Variants in ACACB observed in about 807,000 individuals in gnomAD.
ACACB encodes acetyl-CoA carboxylase 2.
A neutral mutation model predicts 278.8 loss-of-function variants in ACACB; 209 were observed. That is an observed-to-expected ratio of 0.75 (90% CI 0.67 to 0.84). ACACB has a LOEUF of 0.84. ACACB is among the 40% of genes least tolerant of loss of function. The probability of loss-of-function intolerance (pLI) is 0.00; values close to 1 mark genes in which losing one functional copy is unlikely to be tolerated. For synonymous variants in ACACB, 1,174 were observed against 1,285.6 expected (o/e 0.91, Z 1.86); for missense variants, 2,850 against 3,269.0 (o/e 0.87, Z 3.13).
intron 42 of ACACB, 33 bp downstream of exon 42, chr12:109,252,189 C>A: frequency 6.8e-7 from 1 of 1,475,716 alleles, no homozygotes; most frequent in East Asian, 2.4e-5. Flanking sequence ...AGAGTGGATC[C>A]TTGGGGGCCA....
intron 2 of ACACB, among the ~76,000 whole-genome samples, 198 bp downstream of exon 2, chr12:109,140,256 ATCCTTCCT>A (rs1446207979): frequency 1.3e-4 from 11 of 83,198 alleles, no homozygotes; most frequent in African/African-American, 5.0e-4. Flanking sequence ...CCTTCCTTCC[ATCCTTCCT>A]TCCTTCTTTC....
chr12:109,181,937 C>T lies in ACACB; in HGVS notation c.1818+1850C>T, dbSNP rs560702461. Reference sequence around the variant, plus strand: ...TTGGCTCACAGCAACCTCTGCCTCACGGTTCGAACAATTCTCCTGCCTCAG... The same window carrying T: ...TTGGCTCACAGCAACCTCTGCCTCATGGTTCGAACAATTCTCCTGCCTCAG... On this transcript the variant is annotated intron_variant, in intron 11 of 52. Transcript: ENST00000338432. Among the ~76,000 whole-genome samples, 341 of 141,742 alleles carry T rather than the reference C, an allele frequency of 2.4e-3. 2 individuals carry two copies. The highest frequency in any genetic ancestry group is 4.4e-3 in the Non-Finnish European group (291 of 66,114). 93.0% of individuals were successfully genotyped at this position (141,742 alleles called of 152,430 possible).
chr12:109,116,200 G>GA (rs2042400851), upstream of ACACB, among the ~76,000 whole-genome samples: 1 of 152,200 alleles, frequency 6.6e-6, no homozygotes, highest in Non-Finnish European at 1.5e-5. Context: ...CTTTTCAGGG[G>GA]AGAGAAGCCA....
rs1288209949 is a variant in ACACB at position 109,117,458 on chromosome 12, C to G, written c.-10+754C>G. On this transcript the variant is annotated intron_variant, in intron 1 of 52. Coordinates refer to ENST00000338432, the MANE Select transcript of ACACB (RefSeq NM_001093.4). ...TATATTTCTAGGAAGACATGACTTT[C>G]TTTCAATGTTGAAAAAATGCATTCC... Among the ~76,000 whole-genome samples the G allele has an allele frequency of 2.6e-5, 4 of 151,942 alleles. No individual in the cohort carries two copies. The East Asian group carries it at 7.7e-4, about 29-fold the overall frequency.
chr12:109,182,909 C>A (rs1157943843), intron 11 of ACACB, among the ~76,000 whole-genome samples: 1 of 152,236 alleles, frequency 6.6e-6, no homozygotes, highest in African/African-American at 2.4e-5. Flanking sequence ...CCAATGTTTT[C>A]TTCTAGTAGT....
intron 21 of ACACB, among the ~76,000 whole-genome samples, 195 bp from the exon 22 acceptor site, chr12:109,212,641 G>A (rs1027276681): frequency 6.6e-6 from 1 of 152,166 alleles, no homozygotes. Context: ...GGTAATGTGA[G>A]CAATGGGGAG....
rs2045526417 is a variant in ACACB, at chr12:109,206,692, C to T, written c.2914-18C>T. On this transcript the variant is annotated intron_variant, in intron 19 of 52. Transcript: ENST00000338432. Reference sequence around the variant, plus strand: ...CCCAGAGTTTTCCTGACCTGTCGTTCTTGTGGTGTCTCATCAGGCTGAACC... The same window carrying T: ...CCCAGAGTTTTCCTGACCTGTCGTTTTTGTGGTGTCTCATCAGGCTGAACC... 6.2e-7 allele frequency: 1 copy of T among 1,613,106 alleles called. No homozygotes were observed.
At chr12:109,178,615 G>A (rs911318303) in intron 9 of ACACB, among the ~76,000 whole-genome samples, 12 of 152,236 alleles carry the variant, frequency 7.9e-5, no homozygotes, top group Non-Finnish European at 4.4e-5. Flanking sequence ...TGGGCTGGCG[G>A]TGCAGCTGGT....
chr12:109,230,015 G>A (rs2046422721), intron 28 of ACACB, among the ~76,000 whole-genome samples: 1 of 152,150 alleles, frequency 6.6e-6, no homozygotes, highest in Admixed American at 6.5e-5. Context: ...TCTGGTTTTA[G>A]TTCTTATGGG....
chr12:109,256,194 T>A lies in ACACB; in HGVS notation c.6221T>A (p.Ile2074Asn). 6.2e-7 allele frequency: 1 copy of A among 1,613,910 alleles called. No homozygotes were observed. The highest frequency in any genetic ancestry group is 8.5e-7 in the Non-Finnish European group (1 of 1,179,938). The change falls in exon 45 of 53, where the codon ATC becomes AAC. Residue 2074 changes from isoleucine (I) to asparagine (N), a missense_variant. Physicochemically the swap from Ile to Asn is moderately radical, Grantham distance 149 (BLOSUM62 -3). This residue lies in a region of ACACB where 579 missense variants were observed against 684.6 expected (regional missense o/e 0.85). Coordinates refer to ENST00000338432, the MANE Select transcript of ACACB (RefSeq NM_001093.4). ...GFFDHGSFKE[I>N]MAPWAQTVVT... is the part of the protein sequence containing the mutation. Reference sequence around the variant, plus strand: ...TTTGACCACGGCAGTTTCAAGGAAATCATGGCACCCTGGGCGCAGACCGTG... The same window carrying A: ...TTTGACCACGGCAGTTTCAAGGAAAACATGGCACCCTGGGCGCAGACCGTG...
intron 41 of ACACB, among the ~76,000 whole-genome samples, chr12:109,251,507 C>A (rs1241618154): frequency 6.6e-6 from 1 of 152,140 alleles, no homozygotes; most frequent in Non-Finnish European, 1.5e-5. Context: ...TATGTATAGT[C>A]TTTTTATTTT....
chr12:109,266,399 A>C lies in ACACB; in HGVS notation c.*37A>C. The stretch of plus-strand genomic sequence containing the variant: ...CCAGCCACTCCCGGGACCACGGCAA[A>C]AGGAACCACCCAGACCCACCACCCG... On this transcript the variant is annotated 3_prime_UTR_variant, in exon 53 of 53. Coordinates refer to ENST00000338432, the MANE Select transcript of ACACB (RefSeq NM_001093.4). The C allele has an allele frequency of 6.3e-7, 1 of 1,575,366 alleles. No individual in the cohort carries two copies.
chr12:109,209,092 G>A (rs985559831), intron 20 of ACACB, 73 bp from the exon 21 acceptor site: 12 of 1,478,430 alleles, frequency 8.1e-6, no homozygotes, highest in Non-Finnish European at 1.1e-5. Context: ...GAGCTGTGTT[G>A]GGTGCCCTGT....
In ACACB at chr12:109,256,149, G is replaced by A. The variant is rs2047218157; in HGVS notation, c.6176G>A (p.Gly2059Glu). The change falls in exon 45 of 53, where the codon GGA becomes GAA. Residue 2059 changes from glycine to glutamate, a missense_variant. Transcript: ENST00000338432. ...GCCCTTCTGTCCACAGCTCTGAAGGGAACGTGGCAGAGCGGATTCTTTGAC... is the reference window on the plus strand; with the variant it reads ...GCCCTTCTGTCCACAGCTCTGAAGGAAACGTGGCAGAGCGGATTCTTTGAC... ...LAGRPHPTLK[G>E]TWQSGFFDHG... The A allele has an allele frequency of 6.2e-7, 1 of 1,613,724 alleles. No individual in the cohort carries two copies. The highest frequency in any genetic ancestry group is 1.3e-5 in the African/African-American group (1 of 74,904).
intron 2 of ACACB, among the ~76,000 whole-genome samples, chr12:109,144,681 G>A (rs866915006): frequency 6.6e-6 from 1 of 151,932 alleles, no homozygotes; most frequent in Non-Finnish European, 1.5e-5. Flanking sequence ...GCAGAACAGG[G>A]CTGAAGAAAG....
chr12:109,179,553 G>A (rs2044393622), intron 10 of ACACB, among the ~76,000 whole-genome samples: 1 of 152,108 alleles, frequency 6.6e-6, no homozygotes, highest in African/African-American at 2.4e-5. Context: ...GTGGTGCGAT[G>A]ATAGTTCACA....
intron 35 of ACACB, among the ~76,000 whole-genome samples, 182 bp from the exon 36 acceptor site, chr12:109,240,896 G>A (rs1052899432): frequency 1.3e-4 from 20 of 152,210 alleles, no homozygotes; most frequent in Non-Finnish European, 2.5e-4. Flanking sequence ...AAATGAGGTA[G>A]AGTTTTAAAT....
intron 2 of ACACB, among the ~76,000 whole-genome samples, chr12:109,165,520 A>C (rs1359366140): frequency 2.6e-5 from 4 of 152,088 alleles, no homozygotes; most frequent in African/African-American, 4.8e-5. Context: ...CTGGGAATCT[A>C]TTAGGAGGAG....
intron 1 of ACACB, among the ~76,000 whole-genome samples, chr12:109,128,130 G>A (rs2042726653): frequency 6.6e-6 from 1 of 152,048 alleles, no homozygotes; most frequent in Non-Finnish European, 1.5e-5. Flanking sequence ...CCTTCTAGAT[G>A]TGGCTTTTCC....
Sources: gnomAD v4.1 joint callset for allele counts (sites outside exome capture counted in the v4.1 genomes callset) on GRCh38, gnomAD v4.1.1 for gene constraint, gnomAD v4.1.1 regional missense constraint, MANE v1.5 for transcripts, NCBI Gene and HGNC (gene_info 2026-07-23, HGNC 2026-07-21) for gene names.